Variants in SLC18A1 observed in about 807,000 individuals in gnomAD.
SLC18A1 encodes the protein chromaffin granule amine transporter.
SLC18A1 carries 69 observed loss-of-function variants against 53.7 expected under a neutral mutation model. The ratio of observed to expected loss-of-function variants is 1.28; its 90% CI spans 1.06 to 1.57. The LOEUF (loss-of-function observed/expected upper bound fraction) is 1.57, where lower values mean the gene tolerates loss of function less well. Among genes scored for constraint, SLC18A1 ranks in the 40% most tolerant of loss-of-function variants. The probability of loss-of-function intolerance (pLI) is 0.00; values close to 1 mark genes in which losing one functional copy is unlikely to be tolerated. For synonymous variants in SLC18A1, 320 were observed against 248.1 expected, an observed-to-expected ratio of 1.29 and a Z score of -2.72; for missense variants, 932 against 668.1, an observed-to-expected ratio of 1.40 and a Z score of -4.35.
At chr8:20,172,876 G>A (rs2072158677) in intron 6 of SLC18A1, among the ~76,000 whole-genome samples, 160 bp downstream of exon 6, 1 of 152,172 alleles carries the variant, frequency 6.6e-6, no homozygotes, top group Admixed American at 6.5e-5. Flanking sequence ...AGCTTCTTAA[G>A]GAGAAGGAAA....
intron 11 of SLC18A1, among the ~76,000 whole-genome samples, chr8:20,150,177 G>T (rs558471884): frequency 1.1e-4 from 16 of 152,246 alleles, no homozygotes; most frequent in African/African-American, 3.6e-4. Flanking sequence ...CTAAAATCTT[G>T]ATGCTAAACT....
rs1217102768 is a variant in SLC18A1 at position 20,165,060 on chromosome 8, G to A, written c.906C>T (p.Ile302=). ...PLFMLLKDPY[I]LVAAGSICFA... ...TCGCCAGCTTACCTGCAGCCACCAG[G>A]ATGTAAGGGTCTTTGAGAAGCATAA... Residue 302 remains isoleucine, a synonymous_variant, in exon 9 of 16, where the codon ATC becomes ATT. Coordinates refer to ENST00000276373, the MANE Select transcript of SLC18A1 (RefSeq NM_003053.4). 30 of 1,614,188 alleles carry A rather than the reference G, an allele frequency of 1.9e-5. No individual in the cohort carries two copies. The highest frequency in any genetic ancestry group is 2.4e-5 in the Non-Finnish European group (28 of 1,180,022).
intron 1 of SLC18A1, 116 bp from the exon 2 acceptor site, chr8:20,181,203 G>A: frequency 5.6e-6 from 2 of 355,616 alleles, no homozygotes; most frequent in South Asian, 4.7e-5. Context: ...CTGGTTCCCA[G>A]AATGCCTTCC....
At chr8:20,159,947 G>A (rs925242699) in intron 10 of SLC18A1, among the ~76,000 whole-genome samples, 2 of 152,078 alleles carry the variant, frequency 1.3e-5, no homozygotes, top group Admixed American at 1.3e-4. Context: ...ATAAGGAACT[G>A]TTTGAGATCA....
chr8:20,167,415 TA>T (rs1022814876), intron 8 of SLC18A1, among the ~76,000 whole-genome samples: 5 of 152,032 alleles, frequency 3.3e-5, no homozygotes, highest in Non-Finnish European at 7.4e-5. Flanking sequence ...ATTTGTATAA[TA>T]GGGGGAGACA....
chr8:20,147,418 G>C (rs202119302), intron 14 of SLC18A1, 27 bp from the exon 15 acceptor site: 1 of 1,595,618 alleles, frequency 6.3e-7, no homozygotes, highest in East Asian at 2.2e-5. Context: ...AAAGTCATAA[G>C]TGTCTATGGA....
intron 5 of SLC18A1, among the ~76,000 whole-genome samples, chr8:20,173,516 G>A (rs111751317): frequency 5.1e-4 from 78 of 152,328 alleles, no homozygotes; most frequent in African/African-American, 1.8e-3. Flanking sequence ...GGGGTGCCCA[G>A]GGAAGAGCAG....
chr8:20,162,865 C>G (rs1012670767), intron 10 of SLC18A1, among the ~76,000 whole-genome samples: 38 of 152,222 alleles, frequency 2.5e-4, no homozygotes, highest in Admixed American at 2.2e-3. Context: ...GCAATACAGG[C>G]TCTTTCTAGC....
intron 8 of SLC18A1, among the ~76,000 whole-genome samples, chr8:20,167,118 A>C (rs1012488371): frequency 1.3e-5 from 2 of 151,812 alleles, no homozygotes; most frequent in Non-Finnish European, 2.9e-5. Context: ...GAGAAAAAAA[A>C]CTAAAACTAA....
At position 20,179,224 on chromosome 8, in the gene SLC18A1, T is replaced by C; in HGVS notation, c.385A>G (p.Thr129Ala). 1 of 1,614,186 alleles carries C rather than the reference T, an allele frequency of 6.2e-7. No homozygotes were observed. Among genetic ancestry groups the C allele is most frequent in the Admixed American group, 1.7e-5 (1 of 60,028 alleles). ...GTAATCTCTTCCTCCAAGAAACCTGTGCCTTGCAAGCAGTTGTTTTTATGA... is the reference window on the plus strand; with the variant it reads ...GTAATCTCTTCCTCCAAGAAACCTGCGCCTTGCAAGCAGTTGTTTTTATGA... ...SAHKNNCLQG[T>A]GFLEEEITRV... The change falls in exon 3 of 16, where the codon ACA becomes GCA. Residue 129 changes from threonine to alanine, a missense_variant. Transcript: ENST00000276373.
chr8:20,171,435 T>A lies in SLC18A1; in HGVS notation c.784A>T (p.Ile262Phe). Residue 262 changes from isoleucine to phenylalanine, a missense_variant, in exon 7 of 16, where the codon ATC (isoleucine) becomes TTC (phenylalanine). Ile to Phe is a conservative substitution (Grantham distance 21). Coordinates refer to ENST00000276373, the MANE Select transcript of SLC18A1 (RefSeq NM_003053.4). ...EFVGKSAPFL[I>F]LAFLALLDGA... Reference sequence around the variant, plus strand: ...TCCAGTAGTGCCAGGAAGGCCAGGATGAGGAAGGGTGCAGACTTCCCAACA... The same window carrying A: ...TCCAGTAGTGCCAGGAAGGCCAGGAAGAGGAAGGGTGCAGACTTCCCAACA... 6.2e-7 allele frequency: 1 copy of A among 1,614,082 alleles called. No individual in the cohort carries two copies. Among genetic ancestry groups the A allele is most frequent in the Non-Finnish European group, 8.5e-7 (1 of 1,179,994 alleles).
chr8:20,154,400 G>A (rs2071632194), intron 10 of SLC18A1, among the ~76,000 whole-genome samples: 2 of 152,194 alleles, frequency 1.3e-5, no homozygotes, highest in Non-Finnish European at 2.9e-5. Flanking sequence ...TTTAATGAAT[G>A]AGGAGGGACA....
chr8:20,145,962 C>G (rs905165618), intron 15 of SLC18A1, 86 bp from the exon 16 acceptor site: 2 of 706,274 alleles, frequency 2.8e-6, no homozygotes, highest in African/African-American at 3.7e-5. Flanking sequence ...GTTGCCCAGG[C>G]TGGAGTGCAG....
intron 10 of SLC18A1, among the ~76,000 whole-genome samples, chr8:20,153,674 A>G (rs1048792997): frequency 5.3e-5 from 8 of 151,650 alleles, no homozygotes; most frequent in Non-Finnish European, 8.8e-5. Flanking sequence ...CTCAAAAAAA[A>G]AAAGAAAGAA....
intron 4 of SLC18A1, among the ~76,000 whole-genome samples, chr8:20,176,334 C>G (rs2072250610): frequency 6.6e-6 from 1 of 152,258 alleles, no homozygotes; most frequent in Admixed American, 6.5e-5. Context: ...GTGGAAGCTC[C>G]CTGAGGCCCG....
intron 10 of SLC18A1, among the ~76,000 whole-genome samples, chr8:20,159,523 C>G: frequency 6.7e-6 from 1 of 149,612 alleles, no homozygotes; most frequent in Middle Eastern, 3.3e-3. Context: ...GAGGGAGGGA[C>G]AATGATCGGG....
intron 10 of SLC18A1, among the ~76,000 whole-genome samples, chr8:20,151,207 G>T (rs895255463): frequency 4.2e-5 from 6 of 142,324 alleles, no homozygotes; most frequent in South Asian, 2.3e-4. Context: ...TCGTCATGTT[G>T]CCCAGGCTGG....
intron 10 of SLC18A1, among the ~76,000 whole-genome samples, chr8:20,159,491 T>C (rs1450539346): frequency 6.6e-6 from 1 of 151,554 alleles, no homozygotes; most frequent in Non-Finnish European, 1.5e-5. Context: ...AATAATCAAA[T>C]AATCTATCAC....
intron 10 of SLC18A1, among the ~76,000 whole-genome samples, chr8:20,155,422 C>A (rs2071658594): frequency 6.6e-6 from 1 of 152,118 alleles, no homozygotes; most frequent in Non-Finnish European, 1.5e-5. Context: ...CCCAATCCTT[C>A]TAGGATGGGA....
Sources: allele counts gnomAD v4.1 joint callset (sites outside exome capture counted in the v4.1 genomes callset), GRCh38; gene constraint gnomAD v4.1.1; transcripts MANE v1.5; gene names NCBI Gene and HGNC (gene_info 2026-07-23, HGNC 2026-07-21).